Variants in IQCJ observed in about 807,000 individuals in gnomAD.
IQCJ encodes IQ motif containing J.
A neutral mutation model predicts 11.0 loss-of-function variants in IQCJ; 9 were observed. The observed-to-expected ratio is 0.82, with a 90% CI of 0.49 to 1.43. The LOEUF (loss-of-function observed/expected upper bound fraction) is 1.43. Among genes scored for constraint, IQCJ ranks in the 40% most tolerant of loss-of-function variants. The pLI is 0.00. For synonymous variants in IQCJ, 55 were observed against 51.3 expected, an observed-to-expected ratio of 1.07 and a Z score of -0.31; for missense variants, 146 against 133.2, an observed-to-expected ratio of 1.10 and a Z score of -0.47.
chr3:159,202,774 A>G (rs1724426886), intron 1 of IQCJ, among the ~76,000 whole-genome samples: 1 of 152,152 alleles, frequency 6.6e-6, no homozygotes, highest in South Asian at 2.1e-4. Context: ...AGTAGCTGGG[A>G]CTATAGGAGT....
intron 1 of IQCJ, among the ~76,000 whole-genome samples, chr3:159,233,691 C>T (rs1209883416): frequency 1.3e-5 from 2 of 152,112 alleles, no homozygotes; most frequent in East Asian, 3.9e-4. Flanking sequence ...CAAGATTACA[C>T]AGGAATGGAG....
At chr3:159,123,920 T>C (rs1719523007) in intron 1 of IQCJ, among the ~76,000 whole-genome samples, 1 of 152,142 alleles carries the variant, frequency 6.6e-6, no homozygotes, top group African/African-American at 2.4e-5. Flanking sequence ...CTCTCCTTCC[T>C]AGGTTCTACT....
chr3:159,095,446 G>A (rs894316995), intron 1 of IQCJ, among the ~76,000 whole-genome samples: 6 of 143,642 alleles, frequency 4.2e-5, no homozygotes, highest in African/African-American at 1.6e-4. Flanking sequence ...CATGTGCCAT[G>A]CTGGTGCGCT....
chr3:159,209,589 G>A (rs1023409665), intron 1 of IQCJ, among the ~76,000 whole-genome samples: 3 of 152,086 alleles, frequency 2.0e-5, no homozygotes, highest in African/African-American at 4.8e-5. Flanking sequence ...TGTAACACAC[G>A]TCCTCTGGGG....
At position 159,190,603 on chromosome 3, in the gene IQCJ, C is replaced by T. The variant is rs1434793864; in HGVS notation, c.10-55240C>T. Among the ~76,000 whole-genome samples, 8 of 152,190 alleles carry T rather than the reference C, an allele frequency of 5.3e-5. No individual in the cohort carries two copies. In the South Asian group the frequency reaches 1.2e-3, roughly 24 times the overall value. On this transcript the variant is annotated intron_variant, in intron 1 of 3. Coordinates refer to ENST00000397832, the MANE Select transcript of IQCJ (RefSeq NM_001042706.3). ...AGGAAAGTCATTCCTGGCAGTAAGA[C>T]AGCCGTGAGGTACATACTTGGATGA...
At chr3:159,105,526 A>T (rs964155639) in intron 1 of IQCJ, among the ~76,000 whole-genome samples, 2 of 152,170 alleles carry the variant, frequency 1.3e-5, no homozygotes, top group Non-Finnish European at 1.5e-5. Flanking sequence ...GGAGACAAGG[A>T]GTAAGTAAAG....
downstream of IQCJ, chr3:159,266,281 G>T (rs373634860): frequency 2.0e-5 from 3 of 152,326 alleles, no homozygotes; most frequent in East Asian, 3.9e-4. Flanking sequence ...CAAGCAATCA[G>T]TTCATGCATT....
At chr3:159,205,296 G>A (rs1724588992) in intron 1 of IQCJ, among the ~76,000 whole-genome samples, 1 of 152,210 alleles carries the variant, frequency 6.6e-6, no homozygotes, top group Non-Finnish European at 1.5e-5. Context: ...ATAGGACAGA[G>A]TAAGGGAAGT....
intron 2 of IQCJ, among the ~76,000 whole-genome samples, chr3:159,251,770 G>C (rs1727615876): frequency 6.6e-6 from 1 of 152,050 alleles, no homozygotes; most frequent in South Asian, 2.1e-4. Context: ...GGTGGAGAGA[G>C]CAGTGAGATG....
At chr3:159,248,669 T>C (rs1727413274) in intron 2 of IQCJ, among the ~76,000 whole-genome samples, 1 of 152,190 alleles carries the variant, frequency 6.6e-6, no homozygotes, top group African/African-American at 2.4e-5. Context: ...GGAATCAGTA[T>C]TTCTTAACAT....
At chr3:159,264,531 A>G (rs763222589), downstream of IQCJ, among the ~76,000 whole-genome samples, 9 of 152,180 alleles carry the variant, frequency 5.9e-5, no homozygotes, top group Non-Finnish European at 1.2e-4. Context: ...TTGGGGGTGC[A>G]TCCTGTAGCC....
intron 1 of IQCJ, among the ~76,000 whole-genome samples, chr3:159,074,293 G>C (rs1364454656): frequency 1.3e-5 from 2 of 151,820 alleles, no homozygotes; most frequent in Non-Finnish European, 2.9e-5. Flanking sequence ...TCTTGAGTTA[G>C]GAATGTAAAA....
chr3:159,070,403 C>T (rs569414043), intron 1 of IQCJ, among the ~76,000 whole-genome samples: 1 of 152,046 alleles, frequency 6.6e-6, no homozygotes, highest in Non-Finnish European at 1.5e-5. Flanking sequence ...AAGGTTCATA[C>T]TTAATTGCTA....
At chr3:159,130,044 A>AT (rs1200117495) in intron 1 of IQCJ, among the ~76,000 whole-genome samples, 1 of 152,012 alleles carries the variant, frequency 6.6e-6, no homozygotes, top group Non-Finnish European at 1.5e-5. Flanking sequence ...CCACCATAGG[A>AT]TTTCTAGTGT....
intron 1 of IQCJ, among the ~76,000 whole-genome samples, chr3:159,211,503 G>A (rs1170696389): frequency 6.6e-6 from 1 of 152,118 alleles, no homozygotes; most frequent in Non-Finnish European, 1.5e-5. Context: ...TGTAGATGAG[G>A]GACAAGTTGT....
rs745589664 is a variant in IQCJ at position 159,069,436 on chromosome 3, C to T, written c.4C>T (p.Arg2Cys). 11 of 1,608,542 alleles carry T rather than the reference C, an allele frequency of 6.8e-6. No individual in the cohort carries two copies. Among genetic ancestry groups the T allele is most frequent in the East Asian group, 4.5e-5 (2 of 44,800 alleles). ...CAGGTGTTCCAGAAACTTCAAAATG[C>T]GTCTGGTAATGTATTTGCTTTTCTA... M[R>C]LEELKRLQNP... Residue 2 changes from arginine (R) to cysteine (C), a missense_variant, in exon 1 of 4, where the codon CGT becomes TGT. Physicochemically the swap from Arg to Cys is radical, Grantham distance 180 (BLOSUM62 -3). Coordinates refer to ENST00000397832, the MANE Select transcript of IQCJ (RefSeq NM_001042706.3).
chr3:159,173,737 C>T (rs1722623765), intron 1 of IQCJ, among the ~76,000 whole-genome samples: 1 of 152,152 alleles, frequency 6.6e-6, no homozygotes, highest in Admixed American at 6.5e-5. Flanking sequence ...TTCTTTCCTT[C>T]TCCAGAAAGG....
chr3:159,095,514 CT>C (rs1717677506), intron 1 of IQCJ, among the ~76,000 whole-genome samples: 1 of 114,214 alleles, frequency 8.8e-6, no homozygotes. Context: ...TCCCTCCCCC[CT>C]CCCCCGACCC....
chr3:159,158,803 A>T (rs1721676774), intron 1 of IQCJ, among the ~76,000 whole-genome samples: 1 of 152,222 alleles, frequency 6.6e-6, no homozygotes, highest in African/African-American at 2.4e-5. Flanking sequence ...CATCATTTAC[A>T]TTCATCATCA....
Sources: gnomAD v4.1 joint callset for allele counts (sites outside exome capture counted in the v4.1 genomes callset) on GRCh38, gnomAD v4.1.1 for gene constraint, MANE v1.5 for transcripts, NCBI Gene and HGNC (gene_info 2026-07-23, HGNC 2026-07-21) for gene names.